The following PTPRJ variants were observed in gnomAD, a reference collection of about 807,000 sequenced individuals.
PTPRJ encodes the protein protein tyrosine phosphatase receptor type J, also known as receptor-type tyrosine-protein phosphatase eta.
PTPRJ carries 129 observed loss-of-function variants against 141.3 expected under a neutral mutation model. That is an observed-to-expected ratio of 0.91 (90% CI 0.79 to 1.06). The LOEUF (loss-of-function observed/expected upper bound fraction) is 1.06. Among genes scored for constraint, PTPRJ ranks in the 50% least tolerant of loss-of-function variants. PTPRJ has a pLI of 0.00. For missense variants in PTPRJ, 1,601 were observed against 1,679.7 expected (o/e 0.95, Z 0.82); for synonymous variants, 610 against 640.5 (o/e 0.95, Z 0.72).
At chr11:48,087,936 C>G (rs1855758605) in intron 1 of PTPRJ, among the ~76,000 whole-genome samples, 1 of 152,194 alleles carries the variant, frequency 6.6e-6, no homozygotes, top group African/African-American at 2.4e-5. Flanking sequence ...TCAGCAAGGT[C>G]CCTGCATGTA....
intron 8 of PTPRJ, chr11:48,131,799 G>A: frequency 2.7e-6 from 1 of 366,834 alleles, no homozygotes; most frequent in Non-Finnish European, 4.9e-6. Flanking sequence ...TTGTGGTCCA[G>A]GGCTCTCTAG....
At chr11:48,107,251 A>AG (rs1164115085) in intron 1 of PTPRJ, among the ~76,000 whole-genome samples, 1 of 151,862 alleles carries the variant, frequency 6.6e-6, no homozygotes, top group Non-Finnish European at 1.5e-5. Context: ...CCTGCTGGCA[A>AG]GGAAAAAAAA....
chr11:48,146,986 T>G, intron 15 of PTPRJ, 23 bp downstream of exon 15: 1 of 1,587,374 alleles, frequency 6.3e-7, no homozygotes, highest in Non-Finnish European at 8.7e-7. Flanking sequence ...ATGCTAATAA[T>G]AATACTCTGG....
At chr11:48,131,113 T>C (rs551443779) in intron 8 of PTPRJ, among the ~76,000 whole-genome samples, 1 of 122,804 alleles carries the variant, frequency 8.1e-6, no homozygotes, top group South Asian at 2.9e-4. Context: ...AGTCTTACCC[T>C]GTCACCCAGG....
At chr11:48,017,956 A>C (rs941995186) in intron 1 of PTPRJ, among the ~76,000 whole-genome samples, 1 of 152,192 alleles carries the variant, frequency 6.6e-6, no homozygotes, top group African/African-American at 2.4e-5. Context: ...TTCCTGCAAA[A>C]ACAAAATGCA....
chr11:47,990,368 C>T (rs980099368), intron 1 of PTPRJ, among the ~76,000 whole-genome samples: 1 of 152,106 alleles, frequency 6.6e-6, no homozygotes, highest in South Asian at 2.1e-4. Flanking sequence ...AGGGCAAAGA[C>T]CATAATATTG....
chr11:48,038,555 G>C (rs1367668362), intron 1 of PTPRJ, among the ~76,000 whole-genome samples: 2 of 151,708 alleles, frequency 1.3e-5, no homozygotes, highest in Non-Finnish European at 2.9e-5. Flanking sequence ...GCAGTGGCAT[G>C]ATCTCAGCTC....
At chr11:48,059,522 G>C (rs1332142031) in intron 1 of PTPRJ, among the ~76,000 whole-genome samples, 1 of 152,168 alleles carries the variant, frequency 6.6e-6, no homozygotes, top group Non-Finnish European at 1.5e-5. Flanking sequence ...TTAGTTGACT[G>C]ATGCATCTTC....
chr11:48,092,300 A>AAAC (rs1855887997), intron 1 of PTPRJ, among the ~76,000 whole-genome samples: 1 of 149,448 alleles, frequency 6.7e-6, no homozygotes, highest in Non-Finnish European at 1.5e-5. Context: ...ATCTCAAAAA[A>AAAC]AAAAAAAAAA....
chr11:48,123,889 C>A lies in PTPRJ; in HGVS notation c.874+19C>A, dbSNP rs1244337466. Reference sequence around the variant, plus strand: ...GGCTTGGGTGAGTTACAAAGGGTACCTTCCGTCTCCCTTACTGGTTCTTAC... The same window carrying A: ...GGCTTGGGTGAGTTACAAAGGGTACATTCCGTCTCCCTTACTGGTTCTTAC... On this transcript the variant is annotated intron_variant, in intron 5 of 24. Transcript: ENST00000418331. The A allele has an allele frequency of 1.9e-6, 3 of 1,607,090 alleles. No homozygotes were observed. The highest frequency in any genetic ancestry group is 2.7e-5 in the African/African-American group (2 of 74,640).
chr11:48,084,298 C>A (rs1402708315), intron 1 of PTPRJ, among the ~76,000 whole-genome samples: 1 of 152,114 alleles, frequency 6.6e-6, no homozygotes, highest in African/African-American at 2.4e-5. Flanking sequence ...GCTTCAGCAT[C>A]CCGAGTAGCT....
chr11:47,991,085 C>G (rs9943679), intron 1 of PTPRJ, among the ~76,000 whole-genome samples: 2,506 of 152,182 alleles, frequency 0.016, 69 homozygotes, highest in African/African-American at 0.057. Flanking sequence ...TATATATACA[C>G]ACACAGACAC....
intron 1 of PTPRJ, among the ~76,000 whole-genome samples, chr11:47,999,943 GC>G (rs1260113972): frequency 1.4e-5 from 2 of 139,940 alleles, no homozygotes; most frequent in African/African-American, 5.7e-5. Context: ...TGCAACCTCC[GC>G]CTTCTGGGCT....
intron 1 of PTPRJ, among the ~76,000 whole-genome samples, chr11:48,077,522 T>C (rs1436784356): frequency 6.6e-6 from 1 of 152,218 alleles, no homozygotes; most frequent in Non-Finnish European, 1.5e-5. Flanking sequence ...CCAGGACATA[T>C]TTCCTGAAGG....
At chr11:48,138,970 TAAAAATAC>T (rs1857168270) in intron 10 of PTPRJ, among the ~76,000 whole-genome samples, 1 of 152,096 alleles carries the variant, frequency 6.6e-6, no homozygotes, top group Non-Finnish European at 1.5e-5. Context: ...CCATGTCTAC[TAAAAATAC>T]AAAAATCAAC....
chr11:48,149,391 A>G, intron 15 of PTPRJ, 56 bp from the exon 16 acceptor site: 1 of 1,201,364 alleles, frequency 8.3e-7, no homozygotes, highest in Non-Finnish European at 1.2e-6. Flanking sequence ...TACACAAGGG[A>G]AAAGCACAGG....
chr11:48,090,632 C>T (rs1007668730), intron 1 of PTPRJ, among the ~76,000 whole-genome samples: 14 of 152,208 alleles, frequency 9.2e-5, no homozygotes, highest in Non-Finnish European at 2.1e-4. Context: ...ACCTCAGTGT[C>T]AGAGAAGGCT....
intron 1 of PTPRJ, among the ~76,000 whole-genome samples, chr11:48,060,119 T>A (rs1461649807): frequency 6.6e-6 from 1 of 152,166 alleles, no homozygotes; most frequent in Non-Finnish European, 1.5e-5. Flanking sequence ...ACATCACACT[T>A]TCGAAAGTGA....
In PTPRJ at chr11:48,154,639, A is replaced by C. The variant is rs147412117; in HGVS notation, c.3229+753A>C. Reference sequence around the variant, plus strand: ...CTTTGCAGATAATTTTTACATCAGGACGTCATCATCTTTATTCGAAGCCGT... The same window carrying C: ...CTTTGCAGATAATTTTTACATCAGGCCGTCATCATCTTTATTCGAAGCCGT... On this transcript the variant is annotated intron_variant, in intron 19 of 24. Coordinates refer to ENST00000418331, the MANE Select transcript of PTPRJ (RefSeq NM_002843.4). 8.9e-4 allele frequency among the ~76,000 whole-genome samples: 136 copies of C among 152,322 alleles called. 2 individuals carry two copies. The East Asian group carries it at 0.025, about 28-fold the overall frequency.
Sources: gnomAD v4.1 joint callset for allele counts (sites outside exome capture counted in the v4.1 genomes callset) on GRCh38, gnomAD v4.1.1 for gene constraint, MANE v1.5 for transcripts, NCBI Gene and HGNC (gene_info 2026-07-23, HGNC 2026-07-21) for gene names.